Variants in FRMD4A observed in about 807,000 individuals in gnomAD.
FRMD4A encodes the protein FERM domain containing 4A.
Under a neutral mutation model 129.1 loss-of-function variants are expected in FRMD4A, and 29 were observed. The observed-to-expected ratio is 0.22, with a 90% CI of 0.17 to 0.31. The LOEUF is 0.31. FRMD4A is among the 10% of genes least tolerant of loss of function. The pLI, the probability that FRMD4A is intolerant of heterozygous loss-of-function variation, is 1.00. For missense variants in FRMD4A, 1,272 were observed against 1,375.8 expected (o/e 0.92, Z 1.19); for synonymous variants, 634 against 571.6 (o/e 1.11, Z -1.56).
At chr10:13,964,843 A>C (rs1040385746) in intron 2 of FRMD4A, among the ~76,000 whole-genome samples, 13 of 151,810 alleles carry the variant, frequency 8.6e-5, no homozygotes. Flanking sequence ...TGCCCATCAC[A>C]GCCAGCTGAT....
At chr10:13,924,956 C>T (rs922723710) in intron 2 of FRMD4A, among the ~76,000 whole-genome samples, 4 of 150,010 alleles carry the variant, frequency 2.7e-5, no homozygotes, top group Non-Finnish European at 4.4e-5. Context: ...CCCAGCTGCT[C>T]AGGAGGCTGA....
chr10:14,204,102 A>G (rs1842713268), intron 2 of FRMD4A, among the ~76,000 whole-genome samples: 1 of 152,140 alleles, frequency 6.6e-6, no homozygotes. Context: ...AAAATTACCG[A>G]AAGGAAGAAA....
intron 2 of FRMD4A, among the ~76,000 whole-genome samples, chr10:13,989,557 G>A (rs2095596071): frequency 6.6e-6 from 1 of 152,150 alleles, no homozygotes; most frequent in Non-Finnish European, 1.5e-5. Flanking sequence ...TCAATCTCTT[G>A]ACCTCGTGAT....
chr10:14,082,532 G>C (rs1835988882), intron 2 of FRMD4A, among the ~76,000 whole-genome samples: 1 of 152,126 alleles, frequency 6.6e-6, no homozygotes, highest in South Asian at 2.1e-4. Flanking sequence ...CTGTTAGGCT[G>C]GGTGGTATAA....
At chr10:13,659,249 G>T in intron 21 of FRMD4A, 74 bp downstream of exon 21, 1 of 1,319,894 alleles carries the variant, frequency 7.6e-7, no homozygotes, top group Non-Finnish European at 1.1e-6. Context: ...CATTATTTGG[G>T]CCAGCTTGGG....
intron 2 of FRMD4A, among the ~76,000 whole-genome samples, chr10:13,869,215 T>A (rs1293648960): frequency 6.6e-6 from 1 of 152,204 alleles, no homozygotes; most frequent in African/African-American, 2.4e-5. Context: ...CAGGGCAGCG[T>A]GTCAGAAAAC....
intron 14 of FRMD4A, among the ~76,000 whole-genome samples, chr10:13,697,613 T>G (rs1280101525): frequency 6.6e-6 from 1 of 152,054 alleles, no homozygotes; most frequent in African/African-American, 2.4e-5. Context: ...TCTGGGAGTC[T>G]TGGCTGATAC....
chr10:13,688,586 G>A (rs922346558), intron 15 of FRMD4A, among the ~76,000 whole-genome samples: 2 of 151,984 alleles, frequency 1.3e-5, no homozygotes, highest in African/African-American at 4.8e-5. Flanking sequence ...AAAAGAATCT[G>A]GTGACGGATC....
intron 2 of FRMD4A, among the ~76,000 whole-genome samples, chr10:14,000,759 G>T (rs1197239934): frequency 1.3e-5 from 2 of 151,374 alleles, no homozygotes; most frequent in African/African-American, 4.9e-5. Flanking sequence ...CACACAAAAG[G>T]GACTTTGTCC....
chr10:13,851,988 T>C (rs1039703969), intron 3 of FRMD4A, among the ~76,000 whole-genome samples: 2 of 150,020 alleles, frequency 1.3e-5, no homozygotes, highest in African/African-American at 4.9e-5. Flanking sequence ...AGCTCAGGGC[T>C]CCCACTGATT....
At chr10:14,297,635 A>G in intron 2 of FRMD4A, among the ~76,000 whole-genome samples, 1 of 152,186 alleles carries the variant, frequency 6.6e-6, no homozygotes, top group East Asian at 1.9e-4. Flanking sequence ...AAATTCCTGC[A>G]TGTGTTTAAT....
At chr10:14,182,419 T>C (rs1841943018) in intron 2 of FRMD4A, among the ~76,000 whole-genome samples, 1 of 152,194 alleles carries the variant, frequency 6.6e-6, no homozygotes, top group African/African-American at 2.4e-5. Flanking sequence ...AGGTGGCACA[T>C]GCCTATAGTT....
rs191289481 is a variant in FRMD4A at position 13,797,703 on chromosome 10, C to T, written c.207-1115G>A. Among the ~76,000 whole-genome samples the T allele has an allele frequency of 5.9e-5, 9 of 152,268 alleles. No homozygotes were observed. In the East Asian group the frequency reaches 1.5e-3, roughly 26 times the overall value. The stretch of plus-strand genomic sequence containing the variant: ...TGGAGTAAAGTCACATGGAACAGAC[C>T]CAACTGACCCCACTGCATTTCCCCC... On this transcript the variant is annotated intron_variant, in intron 4 of 24. Transcript: ENST00000357447.
At chr10:13,702,498 G>A (rs1589448687) in intron 13 of FRMD4A, among the ~76,000 whole-genome samples, 1 of 151,972 alleles carries the variant, frequency 6.6e-6, no homozygotes, top group African/African-American at 2.4e-5. Context: ...TTATAGGATA[G>A]GCAGATTATT....
chr10:14,304,749 C>A (rs1299651851), intron 2 of FRMD4A, among the ~76,000 whole-genome samples: 1 of 152,210 alleles, frequency 6.6e-6, no homozygotes, highest in Non-Finnish European at 1.5e-5. Context: ...GGAGAACTTT[C>A]TTTCCCCACA....
At chr10:14,098,343 C>T (rs548352634) in intron 2 of FRMD4A, among the ~76,000 whole-genome samples, 92 of 151,084 alleles carry the variant, frequency 6.1e-4, no homozygotes, top group Non-Finnish European at 1.2e-3. Flanking sequence ...CGCAACATTT[C>T]TCAACATTTC....
intron 2 of FRMD4A, among the ~76,000 whole-genome samples, chr10:13,986,288 A>G (rs1340585114): frequency 1.3e-5 from 2 of 151,710 alleles, no homozygotes; most frequent in Admixed American, 1.3e-4. Context: ...AAAATGTGGC[A>G]CATATACACC....
chr10:13,664,408 G>T (rs4748050), intron 18 of FRMD4A, among the ~76,000 whole-genome samples: 116,902 of 151,966 alleles, frequency 0.77, 45,699 homozygotes, highest in East Asian at 0.86. Context: ...TAGGGGAAAA[G>T]TTGTGTGGTC....
At chr10:14,111,975 G>A (rs1837931469) in intron 2 of FRMD4A, among the ~76,000 whole-genome samples, 1 of 131,024 alleles carries the variant, frequency 7.6e-6, no homozygotes, top group African/African-American at 2.9e-5. Flanking sequence ...GGGGAGGGGA[G>A]GGGAGGAAGG....
Sources: gnomAD v4.1 joint callset for allele counts (sites outside exome capture counted in the v4.1 genomes callset) on GRCh38, gnomAD v4.1.1 for gene constraint, MANE v1.5 for transcripts, NCBI Gene and HGNC (gene_info 2026-07-23, HGNC 2026-07-21) for gene names.